Variants in SPAG16 observed in about 807,000 individuals in gnomAD.
SPAG16 encodes the protein sperm-associated antigen 16 protein.
A neutral mutation model predicts 80.4 loss-of-function variants in SPAG16; 86 were observed. The ratio of observed to expected loss-of-function variants is 1.07; its 90% confidence interval spans 0.90 to 1.28. The LOEUF is 1.28. Among genes scored for constraint, SPAG16 ranks in the 50% most tolerant of loss-of-function variants. SPAG16 has a pLI of 0.00. For missense variants in SPAG16, 870 were observed against 765.3 expected, an observed-to-expected ratio of 1.14 and a Z score of -1.61; for synonymous variants, 294 against 265.9, an observed-to-expected ratio of 1.11 and a Z score of -1.03.
intron 10 of SPAG16, among the ~76,000 whole-genome samples, chr2:213,839,997 G>T (rs1161362888): frequency 6.6e-6 from 1 of 152,186 alleles, no homozygotes; most frequent in African/African-American, 2.4e-5. Context: ...AGAAAGCCAT[G>T]TGCTCAGCAA....
At chr2:213,895,392 CA>C (rs1460301798) in intron 11 of SPAG16, among the ~76,000 whole-genome samples, 1 of 151,902 alleles carries the variant, frequency 6.6e-6, no homozygotes, top group Non-Finnish European at 1.5e-5. Context: ...ATACCAATGC[CA>C]TTTTCACAGA....
intron 15 of SPAG16, among the ~76,000 whole-genome samples, chr2:214,156,579 A>T (rs1305790587): frequency 3.3e-5 from 5 of 152,164 alleles, no homozygotes; most frequent in Admixed American, 1.3e-4. Context: ...GGAGTTTAAG[A>T]CTAGCCTGGA....
intron 15 of SPAG16, among the ~76,000 whole-genome samples, chr2:214,244,156 A>C (rs997206476): frequency 2.0e-5 from 3 of 152,098 alleles, no homozygotes; most frequent in African/African-American, 4.8e-5. Context: ...ATTATAAAAA[A>C]TACTGAAAAA....
intron 1 of SPAG16, among the ~76,000 whole-genome samples, chr2:213,292,592 A>T (rs2062324194): frequency 6.9e-6 from 1 of 145,716 alleles, no homozygotes; most frequent in Non-Finnish European, 1.5e-5. Flanking sequence ...TGAACCCGGG[A>T]GGCGGAGCTT....
chr2:214,229,460 T>C (rs1688536833), intron 15 of SPAG16, among the ~76,000 whole-genome samples: 1 of 151,784 alleles, frequency 6.6e-6, no homozygotes, highest in East Asian at 1.9e-4. Context: ...GGCTATTGTC[T>C]GTATATTATA....
rs563115598 is a variant in SPAG16, at chr2:213,782,277, G to A, written c.1071-80208G>A. Among the ~76,000 whole-genome samples, 3 of 151,728 alleles carry A rather than the reference G, an allele frequency of 2.0e-5. No homozygotes were observed. The South Asian group carries it at 6.2e-4, about 32-fold the overall frequency. Reference sequence around the variant, plus strand: ...TGTTTTTTAGTGTTCTTCCTCCCATGGTAGATAATTAATAAAAACATTGAT... The same window carrying A: ...TGTTTTTTAGTGTTCTTCCTCCCATAGTAGATAATTAATAAAAACATTGAT... On this transcript the variant is annotated intron_variant, in intron 10 of 15. Coordinates refer to ENST00000331683, the MANE Select transcript of SPAG16 (RefSeq NM_024532.5).
At chr2:213,891,856 T>A (rs1246737480) in intron 11 of SPAG16, among the ~76,000 whole-genome samples, 1 of 152,174 alleles carries the variant, frequency 6.6e-6, no homozygotes, top group East Asian at 1.9e-4. Flanking sequence ...CCCAATTCAC[T>A]GTTTCTGCAC....
At chr2:213,902,780 A>G (rs1271694804) in intron 11 of SPAG16, among the ~76,000 whole-genome samples, 1 of 152,208 alleles carries the variant, frequency 6.6e-6, no homozygotes, top group Non-Finnish European at 1.5e-5. Context: ...GTCTCATCTG[A>G]GACAAGCAAA....
intron 10 of SPAG16, among the ~76,000 whole-genome samples, chr2:213,825,952 A>G (rs2073268807): frequency 6.6e-6 from 1 of 151,684 alleles, no homozygotes; most frequent in African/African-American, 2.4e-5. Context: ...TGGTCTGTTC[A>G]GGTTTTGGAT....
At chr2:213,946,433 A>C (rs1357401164) in intron 12 of SPAG16, among the ~76,000 whole-genome samples, 2 of 152,094 alleles carry the variant, frequency 1.3e-5, no homozygotes, top group African/African-American at 4.8e-5. Context: ...ATTTTTGCAA[A>C]TTGATTGTTA....
intron 10 of SPAG16, among the ~76,000 whole-genome samples, chr2:213,525,350 G>A (rs1434282125): frequency 7.7e-5 from 11 of 143,566 alleles, no homozygotes; most frequent in South Asian, 6.6e-4. Flanking sequence ...GTGCAGTGGC[G>A]CGATCTTGGC....
chr2:213,434,538 C>T (rs1313992871), intron 9 of SPAG16, among the ~76,000 whole-genome samples: 1 of 152,152 alleles, frequency 6.6e-6, no homozygotes, highest in Non-Finnish European at 1.5e-5. Context: ...AGACAACTTG[C>T]AGAATAGGAG....
intron 10 of SPAG16, among the ~76,000 whole-genome samples, chr2:213,584,757 A>G (rs993392984): frequency 3.3e-5 from 5 of 152,188 alleles, no homozygotes; most frequent in African/African-American, 7.2e-5. Flanking sequence ...TCATTCATCA[A>G]TATTGTTCAC....
intron 9 of SPAG16, among the ~76,000 whole-genome samples, chr2:213,425,296 G>A (rs1214513276): frequency 1.3e-5 from 2 of 151,982 alleles, no homozygotes; most frequent in East Asian, 3.9e-4. Flanking sequence ...CTCCAATCTG[G>A]GTGAGAGAGT....
chr2:213,465,329 G>A (rs2072619283), intron 9 of SPAG16, among the ~76,000 whole-genome samples: 3 of 152,122 alleles, frequency 2.0e-5, no homozygotes, highest in Admixed American at 6.5e-5. Context: ...GAGAAAACAG[G>A]TGCACTCACA....
At chr2:213,548,284 C>A (rs534411629) in intron 10 of SPAG16, among the ~76,000 whole-genome samples, 3 of 152,216 alleles carry the variant, frequency 2.0e-5, no homozygotes, top group Admixed American at 1.3e-4. Context: ...GCGATCTTGG[C>A]GCACTACAAC....
chr2:213,411,231 A>G (rs983753029), intron 9 of SPAG16, among the ~76,000 whole-genome samples: 3 of 152,232 alleles, frequency 2.0e-5, no homozygotes, highest in Non-Finnish European at 2.9e-5. Flanking sequence ...AGCCCCTTAT[A>G]GGTCTTTCGA....
intron 10 of SPAG16, among the ~76,000 whole-genome samples, chr2:213,560,117 G>C (rs1401190796): frequency 6.6e-6 from 1 of 151,906 alleles, no homozygotes; most frequent in African/African-American, 2.4e-5. Context: ...ACTATATCAA[G>C]TCCATTCTGA....
chr2:213,715,277 CATCT>C (rs771229561), intron 10 of SPAG16, among the ~76,000 whole-genome samples: 3 of 99,324 alleles, frequency 3.0e-5, no homozygotes, highest in Non-Finnish European at 7.3e-5. Context: ...TCCATTCATC[CATCT>C]AAGACAGAGT....
Sources: gnomAD v4.1 joint callset for allele counts (sites outside exome capture counted in the v4.1 genomes callset) on GRCh38, gnomAD v4.1.1 for gene constraint, MANE v1.5 for transcripts, NCBI Gene and HGNC (gene_info 2026-07-23, HGNC 2026-07-21) for gene names.